Variants in KCNH1 observed in about 807,000 individuals in gnomAD.
The protein encoded by KCNH1 is potassium voltage-gated channel subfamily H member 1, also known as voltage-gated delayed rectifier potassium channel KCNH1.
Under a neutral mutation model 69.2 loss-of-function variants are expected in KCNH1, and 27 were observed. That is an observed-to-expected ratio of 0.39 (90% CI 0.29 to 0.54). The LOEUF is 0.54. Ranked by LOEUF, KCNH1 falls within the 20% of genes least tolerant of loss-of-function variation. The probability of loss-of-function intolerance (pLI) is 0.68; values close to 1 mark genes in which losing one functional copy is unlikely to be tolerated. For missense variants in KCNH1, 798 were observed against 1,261.6 expected (o/e 0.63, Z 5.57); for synonymous variants, 456 against 487.7 (o/e 0.93, Z 0.86).
intron 7 of KCNH1, among the ~76,000 whole-genome samples, chr1:210,888,253 C>T (rs1373388010): frequency 2.0e-5 from 3 of 152,118 alleles, no homozygotes; most frequent in Non-Finnish European, 4.4e-5. Context: ...GATTAAGAAA[C>T]TCACTCAAAA....
chr1:210,679,535 C>T lies in KCNH1; in HGVS notation c.*3746G>A, dbSNP rs1681214551. 6.6e-6 allele frequency: 1 copy of T among 152,208 alleles called. No homozygotes were observed. The highest frequency in any genetic ancestry group is 2.4e-5 in the African/African-American group (1 of 41,432). The allele number at this position is 152,208 out of a possible 1,614,324, so 9.4% of individuals were successfully genotyped here. On this transcript the variant is annotated 3_prime_UTR_variant, in exon 11 of 11. Coordinates refer to ENST00000271751, the MANE Select transcript of KCNH1 (RefSeq NM_172362.3). ...GAGAATCTTCCTATACCTAGTCTTCCTATACCTAGTATTCCTAAAGAGTTC... is the reference window on the plus strand; with the variant it reads ...GAGAATCTTCCTATACCTAGTCTTCTTATACCTAGTATTCCTAAAGAGTTC...
chr1:210,843,981 A>T (rs1378689051), intron 7 of KCNH1, among the ~76,000 whole-genome samples: 1 of 152,144 alleles, frequency 6.6e-6, no homozygotes, highest in Admixed American at 6.6e-5. Context: ...TTTTTCCCAA[A>T]GATGCTGATT....
At chr1:210,736,535 C>T (rs1329592701) in intron 10 of KCNH1, among the ~76,000 whole-genome samples, 1 of 151,776 alleles carries the variant, frequency 6.6e-6, no homozygotes, top group Non-Finnish European at 1.5e-5. Context: ...AAGAGTGAAA[C>T]TCCATCCCCC....
intron 10 of KCNH1, among the ~76,000 whole-genome samples, chr1:210,755,186 C>T (rs983719105): frequency 2.0e-5 from 3 of 152,156 alleles, no homozygotes; most frequent in East Asian, 1.9e-4. Flanking sequence ...TGCCCCTGCT[C>T]ATGGGCACAG....
intron 6 of KCNH1, among the ~76,000 whole-genome samples, chr1:210,954,767 CTTTG>C (rs1262292824): frequency 1.3e-5 from 2 of 151,656 alleles, no homozygotes; most frequent in African/African-American, 2.4e-5. Context: ...TTTCTTGTAA[CTTTG>C]TTTAAGTTCT....
At chr1:210,715,914 G>T (rs1019783757) in intron 10 of KCNH1, among the ~76,000 whole-genome samples, 22 of 152,212 alleles carry the variant, frequency 1.4e-4, no homozygotes, top group African/African-American at 5.3e-4. Flanking sequence ...ACAAAAGAAC[G>T]AAGACTTCAG....
At chr1:210,865,978 G>GA (rs1403223666) in intron 7 of KCNH1, among the ~76,000 whole-genome samples, 18 of 151,682 alleles carry the variant, frequency 1.2e-4, no homozygotes, top group East Asian at 7.8e-4. Context: ...AGCTTTAGTT[G>GA]AAAAAAAATG....
intron 10 of KCNH1, among the ~76,000 whole-genome samples, chr1:210,754,206 ACCGCAT>A (rs1194378095): frequency 6.6e-6 from 1 of 152,058 alleles, no homozygotes; most frequent in Non-Finnish European, 1.5e-5. Flanking sequence ...GGCATGAGCC[ACCGCAT>A]CCGGCCCAGA....
chr1:210,896,108 C>T (rs889524659), intron 7 of KCNH1, among the ~76,000 whole-genome samples: 3 of 152,088 alleles, frequency 2.0e-5, no homozygotes, highest in African/African-American at 4.8e-5. Context: ...AATTTCAATC[C>T]TCCCCATTCT....
chr1:211,109,798 T>C (rs541895965), intron 1 of KCNH1, among the ~76,000 whole-genome samples: 77 of 151,320 alleles, frequency 5.1e-4, no homozygotes, highest in African/African-American at 1.6e-3. Context: ...AGCAATATTA[T>C]AGGAAACAGA....
At chr1:211,039,146 C>T (rs551601954) in intron 5 of KCNH1, among the ~76,000 whole-genome samples, 2 of 152,172 alleles carry the variant, frequency 1.3e-5, no homozygotes, top group Non-Finnish European at 2.9e-5. Context: ...CCAGCTGTGG[C>T]TGAAAGGGGC....
intron 6 of KCNH1, among the ~76,000 whole-genome samples, chr1:210,975,443 C>A (rs1014866044): frequency 6.6e-6 from 1 of 152,130 alleles, no homozygotes; most frequent in South Asian, 2.1e-4. Flanking sequence ...GGAATAATAC[C>A]ACACATCTAC....
chr1:210,696,622 G>C (rs2149008325), intron 10 of KCNH1, among the ~76,000 whole-genome samples: 1 of 152,168 alleles, frequency 6.6e-6, no homozygotes, highest in East Asian at 1.9e-4. Context: ...ACTCCCACCT[G>C]GTAACTCAGT....
intron 6 of KCNH1, among the ~76,000 whole-genome samples, chr1:210,931,415 A>G (rs959749398): frequency 2.0e-5 from 3 of 152,182 alleles, no homozygotes; most frequent in Non-Finnish European, 2.9e-5. Flanking sequence ...GTTACTCAAG[A>G]ATGGACAAAC....
chr1:211,077,768 T>G (rs1690764116), intron 5 of KCNH1, among the ~76,000 whole-genome samples: 1 of 152,108 alleles, frequency 6.6e-6, no homozygotes, highest in Non-Finnish European at 1.5e-5. Context: ...ATATTAACCT[T>G]AAAAGTAAAT....
chr1:210,777,377 A>T (rs1455266721), intron 9 of KCNH1, among the ~76,000 whole-genome samples: 1 of 152,202 alleles, frequency 6.6e-6, no homozygotes, highest in Non-Finnish European at 1.5e-5. Flanking sequence ...TACTGAGTCA[A>T]TGTGAATAGG....
chr1:210,743,137 T>C (rs1436837998), intron 10 of KCNH1, among the ~76,000 whole-genome samples: 18 of 150,922 alleles, frequency 1.2e-4, no homozygotes, highest in Admixed American at 1.2e-3. Flanking sequence ...TCATGGGGAG[T>C]AGAAGAAAGA....
At position 211,103,750 on chromosome 1, in the gene KCNH1, T is replaced by C. The variant is rs1283956149; in HGVS notation, c.204-148A>G. 8.8e-6 allele frequency: 5 copies of C among 567,424 alleles called. No individual in the cohort carries two copies. The East Asian group carries it at 9.0e-5, about 10-fold the overall frequency. The allele number at this position is 567,424 out of a possible 1,614,324, so 35.1% of individuals were successfully genotyped here. A position where few individuals can be genotyped will look rare whatever the true frequency, so the allele number is the denominator to read the frequency against. On this transcript the variant is annotated intron_variant, in intron 2 of 10. Coordinates refer to ENST00000271751, the MANE Select transcript of KCNH1 (RefSeq NM_172362.3). ...GAAAACAATCACTGACTCAAAAAAA[T>C]TTACTGATTCAACTGTGAATAAGAC...
At chr1:210,830,842 A>C (rs1321146897) in intron 7 of KCNH1, among the ~76,000 whole-genome samples, 1 of 152,172 alleles carries the variant, frequency 6.6e-6, no homozygotes, top group South Asian at 2.1e-4. Context: ...AGGAGGTTTG[A>C]GAGTGCCATT....
Sources: gnomAD v4.1 joint callset for allele counts (sites outside exome capture counted in the v4.1 genomes callset) on GRCh38, gnomAD v4.1.1 for gene constraint, MANE v1.5 for transcripts, NCBI Gene and HGNC (gene_info 2026-07-23, HGNC 2026-07-21) for gene names.